Variants in NTNG1 observed in about 807,000 individuals in gnomAD.
The protein encoded by NTNG1 is netrin G1, also known as netrin-G1.
A neutral mutation model predicts 54.0 loss-of-function variants in NTNG1; 16 were observed. The ratio of observed to expected loss-of-function variants is 0.30; its 90% confidence interval spans 0.20 to 0.45. NTNG1 has a LOEUF of 0.45. Among genes scored for constraint, NTNG1 ranks in the 20% least tolerant of loss-of-function variants. The probability of loss-of-function intolerance (pLI) is 1.00; values close to 1 mark genes in which losing one functional copy is unlikely to be tolerated. For missense variants in NTNG1, 530 were observed against 678.7 expected (o/e 0.78, Z 2.43); for synonymous variants, 255 against 263.1 (o/e 0.97, Z 0.30).
intron 2 of NTNG1, among the ~76,000 whole-genome samples, chr1:107,216,238 G>T (rs537948534): frequency 6.6e-6 from 1 of 152,188 alleles, no homozygotes; most frequent in South Asian, 2.1e-4. Flanking sequence ...TCTCAGGGGG[G>T]ATGTTTTCAA....
intron 2 of NTNG1, among the ~76,000 whole-genome samples, chr1:107,279,339 A>G (rs996753518): frequency 6.6e-6 from 1 of 152,150 alleles, no homozygotes; most frequent in African/African-American, 2.4e-5. Flanking sequence ...CATCTTCTCA[A>G]TTACAAAATT....
At chr1:107,323,738 AG>A (rs1464906778) in intron 2 of NTNG1, among the ~76,000 whole-genome samples, 1 of 150,828 alleles carries the variant, frequency 6.6e-6, no homozygotes, top group Non-Finnish European at 1.5e-5. Flanking sequence ...GACATTATGA[AG>A]CAAGGACCCA....
At chr1:107,408,195 A>G (rs112345368) in intron 5 of NTNG1, 1 of 238,710 alleles carries the variant, frequency 4.2e-6, no homozygotes, top group African/African-American at 2.3e-5. Context: ...TTAATGCATT[A>G]AATTCTATGT....
intron 2 of NTNG1, among the ~76,000 whole-genome samples, chr1:107,172,640 T>C (rs958842548): frequency 3.3e-5 from 5 of 152,124 alleles, no homozygotes; most frequent in Admixed American, 6.6e-5. Flanking sequence ...GTTAAGACAT[T>C]CTTGGGCTGT....
At chr1:107,231,315 T>G (rs1274138703) in intron 2 of NTNG1, among the ~76,000 whole-genome samples, 2 of 152,154 alleles carry the variant, frequency 1.3e-5, no homozygotes, top group Admixed American at 6.5e-5. Flanking sequence ...CAGTACTGGA[T>G]GTAGCCTCTG....
chr1:107,373,283 T>C (rs890193670), intron 3 of NTNG1, among the ~76,000 whole-genome samples: 4 of 152,056 alleles, frequency 2.6e-5, no homozygotes, highest in Non-Finnish European at 5.9e-5. Flanking sequence ...GTATATAATA[T>C]ATAACTATAA....
At chr1:107,359,457 G>T (rs2100939071) in intron 3 of NTNG1, among the ~76,000 whole-genome samples, 1 of 152,218 alleles carries the variant, frequency 6.6e-6, no homozygotes, top group South Asian at 2.1e-4. Flanking sequence ...GAGAAAACAG[G>T]TCTGGTGGGC....
At chr1:107,394,425 A>T (rs1371207509) in intron 3 of NTNG1, among the ~76,000 whole-genome samples, 1 of 140,342 alleles carries the variant, frequency 7.1e-6, no homozygotes, top group Non-Finnish European at 1.6e-5. Flanking sequence ...CTGCCACATG[A>T]AGGATTTTTT....
At chr1:107,298,506 G>C (rs1402227521) in intron 2 of NTNG1, among the ~76,000 whole-genome samples, 1 of 152,124 alleles carries the variant, frequency 6.6e-6, no homozygotes, top group Non-Finnish European at 1.5e-5. Flanking sequence ...AAGCTGTTTT[G>C]CCAAAGTTAT....
intron 2 of NTNG1, among the ~76,000 whole-genome samples, chr1:107,295,780 A>G (rs1665908498): frequency 2.0e-5 from 3 of 152,166 alleles, no homozygotes; most frequent in Admixed American, 1.3e-4. Context: ...AACTAGCTAA[A>G]GTAAATGATG....
At chr1:107,435,810 A>C (rs572616361) in intron 6 of NTNG1, among the ~76,000 whole-genome samples, 1 of 152,302 alleles carries the variant, frequency 6.6e-6, no homozygotes, top group Admixed American at 6.5e-5. Context: ...CACAGTACCC[A>C]AAAGCTGCCA....
intron 7 of NTNG1, among the ~76,000 whole-genome samples, chr1:107,468,866 G>C (rs568178555): frequency 2.0e-5 from 3 of 152,268 alleles, no homozygotes; most frequent in African/African-American, 4.8e-5. Context: ...GGGAGGCCAA[G>C]GTGGGCGGAT....
intron 5 of NTNG1, among the ~76,000 whole-genome samples, chr1:107,425,340 C>T (rs1005013927): frequency 1.3e-5 from 2 of 151,866 alleles, no homozygotes; most frequent in African/African-American, 4.8e-5. Context: ...CTCAAACATC[C>T]CCCATTTTAG....
At chr1:107,148,987 T>C in intron 2 of NTNG1, 148 bp downstream of exon 2, 1 of 778,112 alleles carries the variant, frequency 1.3e-6, no homozygotes, top group Non-Finnish European at 2.1e-6. Context: ...TCTTTCTCAG[T>C]GGAGGCTTAC....
At chr1:107,443,798 T>A (rs1676132175) in intron 7 of NTNG1, among the ~76,000 whole-genome samples, 2 of 152,132 alleles carry the variant, frequency 1.3e-5, no homozygotes, top group South Asian at 2.1e-4. Context: ...CATCACTGAA[T>A]CCAAGTTTTT....
At chr1:107,376,424 A>AG (rs1291690082) in intron 3 of NTNG1, among the ~76,000 whole-genome samples, 4 of 150,800 alleles carry the variant, frequency 2.7e-5, no homozygotes, top group East Asian at 1.9e-4. Context: ...AAACAAAAAA[A>AG]AAAACAAAAA....
chr1:107,235,691 C>T (rs565544172), intron 2 of NTNG1, among the ~76,000 whole-genome samples: 1 of 152,186 alleles, frequency 6.6e-6, no homozygotes, highest in African/African-American at 2.4e-5. Context: ...AAAGTATACT[C>T]CTTCCACTTT....
chr1:107,326,717 A>G (rs1048549351), intron 3 of NTNG1, among the ~76,000 whole-genome samples: 6 of 152,166 alleles, frequency 3.9e-5, no homozygotes, highest in Middle Eastern at 3.4e-3. Context: ...CCAAATTCCT[A>G]TTGCTCCACC....
intron 2 of NTNG1, among the ~76,000 whole-genome samples, chr1:107,173,721 T>G (rs372723091): frequency 4.5e-4 from 68 of 150,844 alleles, no homozygotes; most frequent in African/African-American, 1.5e-3. Context: ...TTTTCTTTCT[T>G]TCTTTCTTTT....
Sources: allele counts gnomAD v4.1 joint callset (sites outside exome capture counted in the v4.1 genomes callset), GRCh38; gene constraint gnomAD v4.1.1; transcripts MANE v1.5; gene names NCBI Gene and HGNC (gene_info 2026-07-23, HGNC 2026-07-21).